The following BST1 variants were observed in gnomAD, a reference collection of about 807,000 sequenced individuals.
BST1 encodes the protein ADP-ribosyl cyclase/cyclic ADP-ribose hydrolase 2.
BST1 carries 49 observed loss-of-function variants against 40.6 expected under a neutral mutation model. The observed-to-expected ratio is 1.21, with a 90% CI of 0.96 to 1.53. The LOEUF (loss-of-function observed/expected upper bound fraction) is 1.53. Ranked by LOEUF, BST1 falls within the 40% of genes most tolerant of loss-of-function variation. The pLI is 0.00. For missense variants in BST1, 423 were observed against 395.9 expected (o/e 1.07, Z -0.58); for synonymous variants, 157 against 159.3 (o/e 0.99, Z 0.11).
the BST1 span, among the ~76,000 whole-genome samples, chr4:15,758,144 T>C: frequency 2.6e-5 from 4 of 152,322 alleles, no homozygotes; most frequent in African/African-American, 9.6e-5. Flanking sequence ...TAGCATTTTT[T>C]TTCAACTTTT....
the BST1 span, among the ~76,000 whole-genome samples, chr4:15,755,835 T>C: frequency 1.3e-5 from 2 of 152,126 alleles, no homozygotes; most frequent in African/African-American, 4.8e-5. Flanking sequence ...AGACAGATAA[T>C]CACTTCACTC....
intron 4 of BST1, among the ~76,000 whole-genome samples, chr4:15,715,023 G>A (rs1357186054): frequency 1.3e-5 from 2 of 152,166 alleles, no homozygotes; most frequent in African/African-American, 4.8e-5. Context: ...GTTTATTCCA[G>A]CTGATAAGAT....
chr4:15,707,445 T>C, intron 2 of BST1, 66 bp from the exon 3 acceptor site: 1 of 1,604,278 alleles, frequency 6.2e-7, no homozygotes. Context: ...GCCTTGATGA[T>C]ATTGTGCCTG....
chr4:15,718,788 T>A lies in BST1; in HGVS notation c.705-119T>A, dbSNP rs553432010. On this transcript the variant is annotated intron_variant, in intron 6 of 8. Coordinates refer to ENST00000265016, the MANE Select transcript of BST1 (RefSeq NM_004334.3). ...TTAAACCAGAGACATTCCAGTTTTC[T>A]TTCTGAGAGTAGAATATCCAGGAGC... 16 of 805,106 alleles carry A rather than the reference T, an allele frequency of 2.0e-5. No individual in the cohort carries two copies. In the African/African-American group the frequency reaches 2.5e-4, roughly 12 times the overall value. 49.9% of individuals were successfully genotyped at this position (805,106 alleles called of 1,614,324 possible).
chr4:15,725,688 G>A (rs1721057036), intron 8 of BST1, among the ~76,000 whole-genome samples: 1 of 152,110 alleles, frequency 6.6e-6, no homozygotes, highest in Admixed American at 6.5e-5. Context: ...GATATCATAT[G>A]CTTTCCTGCT....
intron 6 of BST1, among the ~76,000 whole-genome samples, chr4:15,716,395 A>G (rs187981612): frequency 6.6e-6 from 1 of 152,370 alleles, no homozygotes; most frequent in African/African-American, 2.4e-5. Context: ...ACAAGGCCAC[A>G]GCCTAAATAA....
chr4:15,763,918 G>A, the BST1 span, among the ~76,000 whole-genome samples: 5 of 152,166 alleles, frequency 3.3e-5, no homozygotes, highest in African/African-American at 1.2e-4. Context: ...GTCTGAGGTT[G>A]AAGAGAGGAC....
chr4:15,759,021 C>G, the BST1 span, among the ~76,000 whole-genome samples: 65 of 152,080 alleles, frequency 4.3e-4, 1 homozygote, highest in African/African-American at 1.5e-3. Context: ...GGTGGACAGG[C>G]ATCAAGTCCC....
chr4:15,737,865 A>G (rs4283655), exon 7 of BST1: 1,175,268 of 1,255,750 alleles, frequency 0.94, 550,576 homozygotes, highest in East Asian at 0.99. Flanking sequence ...CTCCCACAGC[A>G]AGGAAGCCGA....
At chr4:15,728,455 T>C (rs1164653879) in intron 8 of BST1, among the ~76,000 whole-genome samples, 13 of 147,786 alleles carry the variant, frequency 8.8e-5, no homozygotes, top group African/African-American at 2.0e-4. Context: ...TTTTCTTTTT[T>C]TTTTTTTTTT....
the BST1 span, among the ~76,000 whole-genome samples, chr4:15,748,804 T>C: frequency 6.6e-6 from 1 of 152,224 alleles, no homozygotes; most frequent in Non-Finnish European, 1.5e-5. Context: ...AAGCAACAGC[T>C]AATTCCACAT....
the BST1 span, among the ~76,000 whole-genome samples, chr4:15,770,680 A>G: frequency 2.6e-5 from 4 of 152,254 alleles, no homozygotes; most frequent in Non-Finnish European, 4.4e-5. Context: ...AGCCTGGGCA[A>G]CAGAGTGAGA....
chr4:15,725,416 C>G (rs1010076307), intron 8 of BST1, among the ~76,000 whole-genome samples: 3 of 152,162 alleles, frequency 2.0e-5, no homozygotes, highest in African/African-American at 7.2e-5. Context: ...TATTCGTTCC[C>G]TGTGAATTTG....
intron 6 of BST1, among the ~76,000 whole-genome samples, chr4:15,717,101 C>T (rs1254489528): frequency 5.9e-5 from 9 of 152,206 alleles, no homozygotes; most frequent in Admixed American, 2.6e-4. Context: ...TTTAACAACA[C>T]GTTCACTTAT....
chr4:15,744,367 C>T, the BST1 span, among the ~76,000 whole-genome samples: 1 of 152,168 alleles, frequency 6.6e-6, no homozygotes, highest in African/African-American at 2.4e-5. Context: ...GGAAGCAAGG[C>T]ACCTTCTTCA....
At chr4:15,741,265 G>C (rs573223615), downstream of BST1, among the ~76,000 whole-genome samples, 1 of 152,102 alleles carries the variant, frequency 6.6e-6, no homozygotes, top group Admixed American at 6.5e-5. Flanking sequence ...GAGTGGACAG[G>C]CCAGGGAGGA....
the BST1 span, among the ~76,000 whole-genome samples, chr4:15,748,847 G>A: frequency 6.6e-6 from 1 of 152,172 alleles, no homozygotes; most frequent in South Asian, 2.1e-4. Context: ...ACATCTCTCA[G>A]TTGCTATAAT....
rs114135356 is a variant in BST1, at chr4:15,725,411, G to A, written c.851+2477G>A. 3.6e-3 allele frequency among the ~76,000 whole-genome samples: 550 copies of A among 152,218 alleles called. 9 individuals are homozygous for A. Among genetic ancestry groups the A allele is most frequent in the African/African-American group, 0.012 (515 of 41,528 alleles). On this transcript the variant is annotated intron_variant, in intron 8 of 8. Transcript: ENST00000265016. Reference sequence around the variant, plus strand: ...CTCTCCTCATTCTTTAATGCTATTCGTTCCCTGTGAATTTGGCATGCATCG... The same window carrying A: ...CTCTCCTCATTCTTTAATGCTATTCATTCCCTGTGAATTTGGCATGCATCG...
At chr4:15,746,721 T>C in the BST1 span, among the ~76,000 whole-genome samples, 1 of 152,238 alleles carries the variant, frequency 6.6e-6, no homozygotes, top group African/African-American at 2.4e-5. Flanking sequence ...TGCTCTGGAA[T>C]GGTGGTCACC....
Sources: gnomAD v4.1 joint callset for allele counts (sites outside exome capture counted in the v4.1 genomes callset) on GRCh38, gnomAD v4.1.1 for gene constraint, MANE v1.5 for transcripts, NCBI Gene and HGNC (gene_info 2026-07-23, HGNC 2026-07-21) for gene names.